Variants in GPM6A observed in about 807,000 individuals in gnomAD.
GPM6A encodes the protein neuronal membrane glycoprotein M6-a.
In GPM6A, 7 loss-of-function variants were observed where a neutral mutation model predicts 32.1. The ratio of observed to expected loss-of-function variants is 0.22; its 90% CI spans 0.12 to 0.41. The LOEUF is 0.41. Among genes scored for constraint, GPM6A ranks in the 10% least tolerant of loss-of-function variants. GPM6A has a pLI of 1.00. For missense variants in GPM6A, 235 were observed against 347.2 expected (o/e 0.68, Z 2.57); for synonymous variants, 130 against 123.4 (o/e 1.05, Z -0.35).
At chr4:175,751,098 C>G (rs1732317769) in intron 1 of GPM6A, among the ~76,000 whole-genome samples, 1 of 152,028 alleles carries the variant, frequency 6.6e-6, no homozygotes, top group Non-Finnish European at 1.5e-5. Flanking sequence ...TGTGCATAAT[C>G]TTGTATACAA....
At chr4:175,770,615 G>A (rs1049894808) in intron 1 of GPM6A, among the ~76,000 whole-genome samples, 5 of 152,020 alleles carry the variant, frequency 3.3e-5, no homozygotes, top group African/African-American at 1.2e-4. Flanking sequence ...TTGCACATGT[G>A]CTATATTTGT....
intron 1 of GPM6A, among the ~76,000 whole-genome samples, chr4:175,799,085 T>C (rs780066411): frequency 1.3e-5 from 2 of 152,108 alleles, no homozygotes; most frequent in East Asian, 1.9e-4. Context: ...CTTTTTTCAT[T>C]TTGCAAAATG....
intron 2 of GPM6A, among the ~76,000 whole-genome samples, chr4:175,699,113 G>T (rs1744732978): frequency 6.6e-6 from 1 of 152,160 alleles, no homozygotes. Flanking sequence ...ATCTGTGATG[G>T]TTTAAAATAA....
chr4:175,737,751 C>T (rs984887027), intron 1 of GPM6A, among the ~76,000 whole-genome samples: 6 of 151,930 alleles, frequency 3.9e-5, no homozygotes, highest in South Asian at 2.1e-4. Flanking sequence ...TGATGAAGGG[C>T]GAAGGGGAGC....
intron 1 of GPM6A, among the ~76,000 whole-genome samples, chr4:175,720,450 C>T (rs1047570431): frequency 1.3e-5 from 2 of 152,204 alleles, no homozygotes; most frequent in East Asian, 3.9e-4. Flanking sequence ...TCTGAAAAGG[C>T]AGAAATGCTA....
intron 1 of GPM6A, among the ~76,000 whole-genome samples, chr4:175,772,440 G>A (rs145778787): frequency 5.2e-4 from 79 of 152,228 alleles, no homozygotes; most frequent in African/African-American, 1.7e-3. Context: ...GAGCTCTGTC[G>A]CATCCTATGT....
At chr4:175,899,247 G>A (rs916177030) in intron 1 of GPM6A, among the ~76,000 whole-genome samples, 4 of 152,056 alleles carry the variant, frequency 2.6e-5, no homozygotes, top group Non-Finnish European at 5.9e-5. Context: ...TTAAGGCAGA[G>A]ATAAAGAACT....
At chr4:175,776,789 A>G (rs948401194) in intron 1 of GPM6A, among the ~76,000 whole-genome samples, 1 of 152,184 alleles carries the variant, frequency 6.6e-6, no homozygotes, top group Admixed American at 6.5e-5. Context: ...ATATATACAA[A>G]GGAAGAGGTA....
chr4:175,733,228 G>A (rs907606899), intron 1 of GPM6A, among the ~76,000 whole-genome samples: 15 of 152,312 alleles, frequency 9.8e-5, no homozygotes, highest in Non-Finnish European at 1.9e-4. Flanking sequence ...ACTTGGCAGT[G>A]TGCAGTGGCT....
At chr4:175,721,492 C>T (rs1314600788) in intron 1 of GPM6A, among the ~76,000 whole-genome samples, 2 of 150,612 alleles carry the variant, frequency 1.3e-5, no homozygotes, top group East Asian at 1.9e-4. Flanking sequence ...AAAAAAAAAG[C>T]AAGATCTAAT....
chr4:175,685,410 A>C (rs189258870), intron 2 of GPM6A, among the ~76,000 whole-genome samples: 1 of 152,254 alleles, frequency 6.6e-6, no homozygotes. Flanking sequence ...GTAAGTTTTG[A>C]ACGTTTCTTG....
intron 1 of GPM6A, chr4:175,807,044 ATGT>A (rs1020107020): frequency 3.9e-5 from 6 of 152,186 alleles, no homozygotes; most frequent in Non-Finnish European, 4.4e-5. Flanking sequence ...AAGATTTTTG[ATGT>A]TGTTTTTGTT....
At chr4:175,697,345 A>G (rs1417121897) in intron 2 of GPM6A, among the ~76,000 whole-genome samples, 2 of 152,162 alleles carry the variant, frequency 1.3e-5, no homozygotes, top group African/African-American at 2.4e-5. Context: ...TGACTTATGA[A>G]GCACAGTAAT....
intron 1 of GPM6A, among the ~76,000 whole-genome samples, chr4:175,927,139 C>T (rs1738868294): frequency 6.6e-6 from 1 of 152,166 alleles, no homozygotes; most frequent in Non-Finnish European, 1.5e-5. Context: ...ATAGAGTGCA[C>T]AAAAAGTTAA....
At chr4:175,785,043 C>T (rs1168588249) in intron 1 of GPM6A, among the ~76,000 whole-genome samples, 1 of 152,196 alleles carries the variant, frequency 6.6e-6, no homozygotes. Flanking sequence ...TGAAGCTGGG[C>T]TAGCTTGAGT....
At chr4:175,734,715 T>C (rs1254303927) in intron 1 of GPM6A, among the ~76,000 whole-genome samples, 1 of 151,418 alleles carries the variant, frequency 6.6e-6, no homozygotes, top group African/African-American at 2.4e-5. Context: ...CTACTAAAAA[T>C]ACAAAAAGTT....
At chr4:175,987,992 AG>A (rs1164536789) in intron 1 of GPM6A, among the ~76,000 whole-genome samples, 3 of 152,056 alleles carry the variant, frequency 2.0e-5, no homozygotes, top group African/African-American at 7.3e-5. Context: ...TTGTGAAAAG[AG>A]AAAAAATCCA....
chr4:175,912,889 T>C (rs901082978), intron 1 of GPM6A, among the ~76,000 whole-genome samples: 1 of 152,190 alleles, frequency 6.6e-6, no homozygotes. Context: ...ATGTTAGGTA[T>C]CATTATCATG....
chr4:175,738,553 T>C (rs1354987676), intron 1 of GPM6A, among the ~76,000 whole-genome samples: 1 of 151,550 alleles, frequency 6.6e-6, no homozygotes, highest in Non-Finnish European at 1.5e-5. Flanking sequence ...TATCTCTGGG[T>C]GAGTTAGGTA....
Sources: allele counts gnomAD v4.1 joint callset (sites outside exome capture counted in the v4.1 genomes callset), GRCh38; gene constraint gnomAD v4.1.1; transcripts MANE v1.5; gene names NCBI Gene and HGNC (gene_info 2026-07-23, HGNC 2026-07-21).